Variants in YAP1 observed in about 807,000 individuals in gnomAD.
YAP1 encodes the protein transcriptional coactivator YAP1.
A neutral mutation model predicts 56.9 loss-of-function variants in YAP1; 5 were observed. The ratio of observed to expected loss-of-function variants is 0.09; its 90% CI spans 0.05 to 0.18. YAP1 has a LOEUF of 0.18. YAP1 is among the 10% of genes least tolerant of loss of function. The pLI, the probability that YAP1 is intolerant of heterozygous loss-of-function variation, is 1.00. For synonymous variants in YAP1, 265 were observed against 248.1 expected, an observed-to-expected ratio of 1.07 and a Z score of -0.64; for missense variants, 539 against 651.8, an observed-to-expected ratio of 0.83 and a Z score of 1.88.
chr11:102,158,825 A>C (rs989689885), intron 2 of YAP1, among the ~76,000 whole-genome samples: 1 of 152,208 alleles, frequency 6.6e-6, no homozygotes, highest in Non-Finnish European at 1.5e-5. Context: ...GCCCATTTTG[A>C]TTATGTTGTT....
chr11:102,179,407 T>A (rs1947453065), intron 3 of YAP1, among the ~76,000 whole-genome samples: 1 of 152,198 alleles, frequency 6.6e-6, no homozygotes, highest in Admixed American at 6.5e-5. Context: ...TTGGAATTAC[T>A]GTTTAATAAT....
intron 2 of YAP1, among the ~76,000 whole-genome samples, chr11:102,116,742 A>G (rs1278046150): frequency 6.6e-6 from 1 of 152,180 alleles, no homozygotes; most frequent in Non-Finnish European, 1.5e-5. Context: ...ATGTGGGAGT[A>G]GGATTAGTCT....
intron 5 of YAP1, 94 bp from the exon 6 acceptor site, chr11:102,209,423 T>C (rs975742006): frequency 8.9e-6 from 10 of 1,129,844 alleles, no homozygotes; most frequent in Non-Finnish European, 1.2e-5. Flanking sequence ...TTCTGTGCTA[T>C]GGTGATATGT....
At chr11:102,112,094 C>A (rs1035601992) in intron 1 of YAP1, among the ~76,000 whole-genome samples, 1 of 152,218 alleles carries the variant, frequency 6.6e-6, no homozygotes, top group East Asian at 1.9e-4. Context: ...TGCGCAGGAA[C>A]TGAGTTGCGC....
In YAP1 at chr11:102,230,027, C is replaced by T; in HGVS notation, c.*87C>T. The T allele has an allele frequency of 4.5e-6, 5 of 1,105,822 alleles. No individual in the cohort carries two copies. The highest frequency in any genetic ancestry group is 6.7e-6 in the Non-Finnish European group (5 of 750,746). The allele number at this position is 1,105,822 out of a possible 1,614,324, so 68.5% of individuals were successfully genotyped here. On this transcript the variant is annotated 3_prime_UTR_variant, in exon 9 of 9. Transcript: ENST00000282441. ...ATTTCCATAAGCCAGTTGCAGTTTT[C>T]AGGCTAATACAGAAAAAGATGAACA... is the stretch of plus-strand genomic sequence containing the variant.
At position 102,172,475 on chromosome 11, in the gene YAP1, CGTT is replaced by C. The variant is rs1325935802; in HGVS notation, c.688+9905_688+9907del. On this transcript the variant is annotated intron_variant, in intron 3 of 8. Transcript: ENST00000282441. ...TACAGGCATACGGCACCATGCACAG[CGTT>C]TTTTTTTTTTTTTTTTTGGTAGAGA... Among the ~76,000 whole-genome samples, 24 of 106,214 alleles carry C rather than the reference CGTT, an allele frequency of 2.3e-4. 1 individual carries two copies. Among genetic ancestry groups the C allele is most frequent in the African/African-American group, 7.2e-4 (20 of 27,844 alleles). The allele number at this position is 106,214 out of a possible 152,430, so 69.7% of individuals were successfully genotyped here.
intron 2 of YAP1, among the ~76,000 whole-genome samples, chr11:102,159,168 T>A (rs1270531308): frequency 6.6e-6 from 1 of 152,202 alleles, no homozygotes; most frequent in African/African-American, 2.4e-5. Flanking sequence ...TAGTTCATTC[T>A]CTGTCTCTCT....
intron 2 of YAP1, among the ~76,000 whole-genome samples, chr11:102,160,534 A>G (rs1224461802): frequency 2.6e-5 from 4 of 152,222 alleles, no homozygotes; most frequent in Admixed American, 1.3e-4. Flanking sequence ...TGAAAAAGAA[A>G]GCATTTAAAA....
At chr11:102,141,111 G>T (rs895831811) in intron 2 of YAP1, among the ~76,000 whole-genome samples, 1 of 152,098 alleles carries the variant, frequency 6.6e-6, no homozygotes, top group South Asian at 2.1e-4. Context: ...TTCAGCTCAG[G>T]TGTTAATTCC....
intron 6 of YAP1, among the ~76,000 whole-genome samples, chr11:102,218,910 G>A (rs979242832): frequency 2.6e-5 from 4 of 152,138 alleles, no homozygotes; most frequent in Admixed American, 2.6e-4. Flanking sequence ...ATTCAAAGCA[G>A]CAAGAACATG....
At chr11:102,157,221 A>G (rs1946008127) in intron 2 of YAP1, among the ~76,000 whole-genome samples, 1 of 152,192 alleles carries the variant, frequency 6.6e-6, no homozygotes, top group Non-Finnish European at 1.5e-5. Flanking sequence ...GAAATATAGT[A>G]TATGCATAAT....
At position 102,206,045 on chromosome 11, in the gene YAP1, C is replaced by A. The variant is rs754280015; in HGVS notation, c.955C>A (p.Arg319=). The change falls in exon 5 of 9, where the codon CGG becomes AGG. Residue 319 remains arginine, a synonymous_variant. Coordinates refer to ENST00000282441, the MANE Select transcript of YAP1 (RefSeq NM_001130145.3). The part of the protein sequence containing the change: ...QQLQMEKERL[R]LKQQELLRQA... ...ACTGCAGATGGAGAAGGAGAGGCTG[C>A]GGCTGAAACAGCAAGAACTGCTTCG... 2 of 1,613,622 alleles carry A rather than the reference C, an allele frequency of 1.2e-6. No individual in the cohort carries two copies. Among genetic ancestry groups the A allele is most frequent in the Admixed American group, 3.3e-5 (2 of 60,000 alleles).
intron 3 of YAP1, among the ~76,000 whole-genome samples, chr11:102,167,378 G>A (rs1022566936): frequency 7.2e-5 from 11 of 152,296 alleles, no homozygotes; most frequent in Admixed American, 7.2e-4. Context: ...AATATTCAAT[G>A]TATAAATATA....
chr11:102,122,733 A>G (rs1943736503), intron 2 of YAP1, among the ~76,000 whole-genome samples: 1 of 151,832 alleles, frequency 6.6e-6, no homozygotes, highest in Non-Finnish European at 1.5e-5. Context: ...ATCTCTACTA[A>G]AAAATAGAAA....
At chr11:102,146,508 C>T (rs753906763) in intron 2 of YAP1, among the ~76,000 whole-genome samples, 1 of 152,186 alleles carries the variant, frequency 6.6e-6, no homozygotes, top group Non-Finnish European at 1.5e-5. Flanking sequence ...TTACACACCC[C>T]TCATTTTTAC....
chr11:102,114,537 A>G (rs1943157945), intron 2 of YAP1, 143 bp downstream of exon 2: 3 of 1,062,260 alleles, frequency 2.8e-6, no homozygotes, highest in South Asian at 1.8e-5. Context: ...TCTATCTTCC[A>G]TATATATGTT....
chr11:102,170,964 C>G (rs949378004), intron 3 of YAP1, among the ~76,000 whole-genome samples: 1 of 50,914 alleles, frequency 2.0e-5, no homozygotes, highest in African/African-American at 3.8e-5. Context: ...CAGACTCTGT[C>G]TCAAAAAAAA....
rs190020702 is a variant in YAP1 at position 102,128,534 on chromosome 11, T to C, written c.572+14140T>C. 6.2e-4 allele frequency among the ~76,000 whole-genome samples: 95 copies of C among 152,364 alleles called. No homozygotes were observed. In the Middle Eastern group the frequency reaches 0.01, roughly 16 times the overall value. On this transcript the variant is annotated intron_variant, in intron 2 of 8. Coordinates refer to ENST00000282441, the MANE Select transcript of YAP1 (RefSeq NM_001130145.3). ...CTTTTTCTTCCCAGTCTCAGGTATA[T>C]CTTTATCAGCGTTGTGAAAATGAAC...
chr11:102,165,370 A>G (rs1219622636), intron 3 of YAP1, among the ~76,000 whole-genome samples: 1 of 152,144 alleles, frequency 6.6e-6, no homozygotes, highest in Non-Finnish European at 1.5e-5. Flanking sequence ...AACAACAACA[A>G]CAAAAATTTT....
Sources: allele counts gnomAD v4.1 joint callset (sites outside exome capture counted in the v4.1 genomes callset), GRCh38; gene constraint gnomAD v4.1.1; transcripts MANE v1.5; gene names NCBI Gene and HGNC (gene_info 2026-07-23, HGNC 2026-07-21).